Variants in RNF213 observed in about 807,000 individuals in gnomAD.
RNF213 encodes ring finger protein 213.
RNF213 carries 341 observed loss-of-function variants against 514.4 expected under a neutral mutation model. That is an observed-to-expected ratio of 0.66 (90% CI 0.61 to 0.73). The LOEUF is 0.73. Among genes scored for constraint, RNF213 ranks in the 30% least tolerant of loss-of-function variants. The probability of loss-of-function intolerance (pLI) is 0.00; values close to 1 mark genes in which losing one functional copy is unlikely to be tolerated. For missense variants in RNF213, 5,767 were observed against 6,615.6 expected (o/e 0.87, Z 4.45); for synonymous variants, 2,655 against 2,658.2 (o/e 1.00, Z 0.04).
At chr17:80,307,337 TCTC>T in intron 13 of RNF213, 136 bp downstream of exon 13, 1 of 702,898 alleles carries the variant, frequency 1.4e-6, no homozygotes, top group Non-Finnish European at 2.5e-6. Flanking sequence ...CCACTTCTCT[TCTC>T]AGGTTATTAA....
Position 80,315,306 on chromosome 17 carries a change from G to C in RNF213, c.2812-1882G>C, listed in dbSNP as rs539183409. On this transcript the variant is annotated intron_variant, in intron 15 of 67. Coordinates refer to ENST00000582970, the MANE Select transcript of RNF213 (RefSeq NM_001256071.3). ...GGTGGTGGTGGTGGTGGAGGTAATGGAGGTGATGGTGGTGGTGGTGATGGT... is the reference window on the plus strand; with the variant it reads ...GGTGGTGGTGGTGGTGGAGGTAATGCAGGTGATGGTGGTGGTGGTGATGGT... Among the ~76,000 whole-genome samples, 112 of 42,576 alleles carry C rather than the reference G, an allele frequency of 2.6e-3. 20 individuals carry two copies. Among genetic ancestry groups the C allele is most frequent in the Non-Finnish European group, 3.4e-3 (79 of 23,368 alleles). The allele number at this position is 42,576 out of a possible 152,430, so 27.9% of individuals were successfully genotyped here.
rs1421027801 is a variant in RNF213, at chr17:80,346,184, G to C, written c.7849G>C (p.Glu2617Gln). 3 of 1,614,214 alleles carry C rather than the reference G, an allele frequency of 1.9e-6. No homozygotes were observed. The highest frequency in any genetic ancestry group is 2.5e-6 in the Non-Finnish European group (3 of 1,180,038). ...TGAAAACGGGACTCGCGTGATCACA[G>C]AAGTCCTCTGCGCCTCTCAGGGTTT... is the stretch of plus-strand genomic sequence containing the variant. ...LDENGTRVITEVLCASQGFMR... is the reference protein window; with the variant it reads ...LDENGTRVITQVLCASQGFMR... Residue 2617 changes from glutamate (E) to glutamine (Q), a missense_variant, in exon 29 of 68, where the codon GAA becomes CAA. By Grantham distance (29) the Glu-to-Gln change is conservative (BLOSUM62 2). Coordinates refer to ENST00000582970, the MANE Select transcript of RNF213 (RefSeq NM_001256071.3). The surrounding 1 kb of genome is among the most constrained non-coding windows in gnomAD (Gnocchi z 8.1).
chr17:80,268,685 C>T (rs1436371775), intron 2 of RNF213, among the ~76,000 whole-genome samples: 2 of 152,112 alleles, frequency 1.3e-5, no homozygotes, highest in Admixed American at 1.3e-4. Context: ...ATTATCCATC[C>T]ATCCATTCAT....
At chr17:80,378,256 G>A (rs2079842160) in intron 54 of RNF213, among the ~76,000 whole-genome samples, 1 of 152,220 alleles carries the variant, frequency 6.6e-6, no homozygotes, top group Non-Finnish European at 1.5e-5. Context: ...ACCACAGGCT[G>A]CATTATTAGC....
In RNF213 at chr17:80,340,016, C is replaced by T. The variant is rs1327646317; in HGVS notation, c.5649C>T (p.Thr1883=). The change falls in exon 26 of 68, where the codon ACC becomes ACT. Residue 1883 remains threonine, a synonymous_variant. Transcript: ENST00000582970. ...CACTGTTGCTGCGCCGCTGCCTGAC[C>T]CTGGGCTCCCTGGGGCACAAGGTCT... ...EVALLLRRCL[T]LGSLGHKVYS... is the part of the protein sequence containing the mutation. The T allele has an allele frequency of 6.5e-7, 1 of 1,541,942 alleles. No homozygotes were observed. Among genetic ancestry groups the T allele is most frequent in the Non-Finnish European group, 8.7e-7 (1 of 1,148,454 alleles).
chr17:80,263,811 C>G lies in RNF213; in HGVS notation c.97+33C>G, dbSNP rs778617689. On this transcript the variant is annotated intron_variant, in intron 2 of 67. Coordinates refer to ENST00000582970, the MANE Select transcript of RNF213 (RefSeq NM_001256071.3). The surrounding 1 kb of genome is among the most constrained non-coding windows in gnomAD (Gnocchi z 4.9). ...CCAGGGGTGCTGGTGGAGGCTGGGG[C>G]AGTGGGGACCCCTGGAGATGTCTCA... 7.5e-6 allele frequency: 12 copies of G among 1,589,864 alleles called. No individual in the cohort carries two copies. In the East Asian group the frequency reaches 2.7e-4, roughly 35 times the overall value.
At chr17:80,311,387 T>C (rs1459478071) in intron 14 of RNF213, among the ~76,000 whole-genome samples, 2 of 152,224 alleles carry the variant, frequency 1.3e-5, no homozygotes, top group African/African-American at 4.8e-5. Context: ...TTTGTTGTTA[T>C]TGGCCATCGC....
chr17:80,278,731 C>T, intron 3 of RNF213: 7 of 1,536,740 alleles, frequency 4.6e-6, no homozygotes, highest in Non-Finnish European at 6.1e-6. Flanking sequence ...GTGCACAGCC[C>T]TGCCCTGTCT....
At chr17:80,361,660 C>T (rs749294310) in intron 38 of RNF213, 74 bp from the exon 39 acceptor site, 163 of 1,565,438 alleles carry the variant, frequency 1.0e-4, no homozygotes, top group Non-Finnish European at 1.3e-4. Context: ...CCCTTCACTC[C>T]GGAGCCCCCT....
chr17:80,288,436 G>A lies in RNF213; in HGVS notation c.810+73G>A. ...CACCTGGGCTCTGCTGCAAGGTGCT[G>A]GCGTTGCTTCCCTGCCGGGGGGAGG... On this transcript the variant is annotated intron_variant, in intron 4 of 67. Coordinates refer to ENST00000582970, the MANE Select transcript of RNF213 (RefSeq NM_001256071.3). The surrounding 1 kb of genome is among the most constrained non-coding windows in gnomAD (Gnocchi z 4.9). The A allele has an allele frequency of 6.2e-7, 1 of 1,602,048 alleles. No homozygotes were observed.
rs1348531087 is a variant in RNF213 at position 80,325,191 on chromosome 17, A to G, written c.3186A>G (p.Arg1062=). 3.9e-6 allele frequency: 6 copies of G among 1,533,106 alleles called. No individual in the cohort carries two copies. In the East Asian group the frequency reaches 1.5e-4, roughly 38 times the overall value. The allele number at this position is 1,533,106 out of a possible 1,614,324, so 95.0% of individuals were successfully genotyped here. ...TGGCAGATGTCAAGCACGTCTTCAG[A>G]TTGTGTGGTATGTTTGCGGGAGTGC... ...LTLADVKHVF[R]LCGTDEKILA... The change falls in exon 18 of 68, where the codon AGA becomes AGG. Residue 1062 remains arginine, a synonymous_variant. Transcript: ENST00000582970.
chr17:80,390,302 A>G, intron 67 of RNF213, 106 bp downstream of exon 67: 1 of 1,323,826 alleles, frequency 7.6e-7, no homozygotes, highest in Admixed American at 1.8e-5. Flanking sequence ...ACAGAATCCC[A>G]TTTCCTGCTT....
chr17:80,349,519 T>A lies in RNF213; in HGVS notation c.9952-251T>A, dbSNP rs145989142. On this transcript the variant is annotated intron_variant, in intron 29 of 67. Transcript: ENST00000582970. ...GACCAAGCAGGCAGAGACACGGGCC[T>A]CTGGGGAGGAGAGGAAGGCACCCTC... Among the ~76,000 whole-genome samples the A allele has an allele frequency of 2.5e-4, 38 of 152,280 alleles. 1 individual carries two copies. The highest frequency in any genetic ancestry group is 8.2e-4 in the African/African-American group (34 of 41,566).
At position 80,334,228 on chromosome 17, in the gene RNF213, C is replaced by T; in HGVS notation, c.4267C>T (p.Leu1423=). ...ARCKGLQALS[L]RKEFICWVRE... ...GTGCAAGGGGCTGCAGGCTCTGTCC[C>T]TGAGAAAGGAGTTCATCTGCTGGGT... The change falls in exon 22 of 68, where the codon CTG becomes TTG. Residue 1423 remains leucine, a synonymous_variant. Transcript: ENST00000582970. 1.3e-6 allele frequency: 2 copies of T among 1,537,178 alleles called. No individual in the cohort carries two copies. Among genetic ancestry groups the T allele is most frequent in the Non-Finnish European group, 1.7e-6 (2 of 1,146,882 alleles).
chr17:80,304,452 A>G (rs889898735), intron 11 of RNF213, among the ~76,000 whole-genome samples: 1 of 152,178 alleles, frequency 6.6e-6, no homozygotes, highest in Admixed American at 6.5e-5. Context: ...AAGCCTGGCT[A>G]ACACAGTGAA....
intron 61 of RNF213, 98 bp downstream of exon 61, chr17:80,385,719 A>T (rs1316331301): frequency 9.9e-7 from 1 of 1,010,736 alleles, no homozygotes; most frequent in Non-Finnish European, 1.5e-6. Flanking sequence ...GTCAACACCC[A>T]GCACTGTGTT....
In RNF213 at chr17:80,313,758, G is replaced by GTGA. The variant is rs58837749; in HGVS notation, c.2811+593_2811+594insATG. 6.5e-3 allele frequency among the ~76,000 whole-genome samples: 796 copies of GTGA among 121,688 alleles called. 16 individuals are homozygous for GTGA. Among genetic ancestry groups the GTGA allele is most frequent in the African/African-American group, 0.021 (709 of 34,532 alleles). The allele number at this position is 121,688 out of a possible 152,430, so 79.8% of individuals were successfully genotyped here. On this transcript the variant is annotated intron_variant, in intron 15 of 67. Coordinates refer to ENST00000582970, the MANE Select transcript of RNF213 (RefSeq NM_001256071.3). The stretch of plus-strand genomic sequence containing the variant: ...GACAATGGTGATGCTGGTGGTGGAG[G>GTGA]TGGTGGAGGTACTGGAGGTGATGGT...
chr17:80,386,474 A>T, intron 62 of RNF213, 44 bp downstream of exon 62: 1 of 1,604,304 alleles, frequency 6.2e-7, no homozygotes, highest in Non-Finnish European at 8.5e-7. Context: ...CTCAGCCCAG[A>T]GTCCCTAAGC....
At position 80,350,714 on chromosome 17, in the gene RNF213, G is replaced by A. The variant is rs368830359; in HGVS notation, c.10184+318G>A. 2.2e-4 allele frequency among the ~76,000 whole-genome samples: 33 copies of A among 152,332 alleles called. No individual in the cohort carries two copies. The East Asian group carries it at 4.8e-3, about 22-fold the overall frequency. On this transcript the variant is annotated intron_variant, in intron 31 of 67. Transcript: ENST00000582970. ...CTCAGAAGGCTGAGGTGGGAGGATC[G>A]CTTGAGCCTGGGAGGTCAAGGCTGC...
Sources: allele counts gnomAD v4.1 joint callset (sites outside exome capture counted in the v4.1 genomes callset), GRCh38; gene constraint gnomAD v4.1.1; non-coding constraint Gnocchi (gnomAD v3.1); transcripts MANE v1.5; gene names NCBI Gene and HGNC (gene_info 2026-07-23, HGNC 2026-07-21).